ANKS1B: variants seen among roughly 807,000 people sequenced by gnomAD.
ANKS1B encodes ankyrin repeat and sterile alpha motif domain containing 1B.
In ANKS1B, 36 loss-of-function variants were observed where a neutral mutation model predicts 148.3. The observed-to-expected ratio is 0.24, with a 90% confidence interval of 0.19 to 0.32. The LOEUF (loss-of-function observed/expected upper bound fraction) is 0.32, where lower values mean the gene tolerates loss of function less well. Among genes scored for constraint, ANKS1B ranks in the 10% least tolerant of loss-of-function variants. The probability of loss-of-function intolerance (pLI) is 1.00; values close to 1 mark genes in which losing one functional copy is unlikely to be tolerated. For synonymous variants in ANKS1B, 542 were observed against 560.8 expected, an observed-to-expected ratio of 0.97 and a Z score of 0.47; for missense variants, 1,157 against 1,542.6, an observed-to-expected ratio of 0.75 and a Z score of 4.19.
At chr12:99,825,751 G>T (rs1310947145) in intron 1 of ANKS1B, among the ~76,000 whole-genome samples, 4 of 152,162 alleles carry the variant, frequency 2.6e-5, no homozygotes, top group Non-Finnish European at 5.9e-5. Flanking sequence ...AGATTTATGA[G>T]ACCTGCCTCA....
chr12:99,629,706 A>G (rs780520234), intron 9 of ANKS1B, among the ~76,000 whole-genome samples: 1 of 152,134 alleles, frequency 6.6e-6, no homozygotes, highest in Non-Finnish European at 1.5e-5. Context: ...AAGAGAGTGG[A>G]TAACTTATTA....
intron 9 of ANKS1B, among the ~76,000 whole-genome samples, chr12:99,581,909 A>AAG (rs973387527): frequency 6.6e-6 from 1 of 151,120 alleles, no homozygotes; most frequent in African/African-American, 2.4e-5. Context: ...AAAAAAAAAA[A>AAG]AAAAAAGAAA....
intron 1 of ANKS1B, among the ~76,000 whole-genome samples, chr12:99,938,020 AC>A (rs1161353908): frequency 6.6e-6 from 1 of 152,080 alleles, no homozygotes; most frequent in Non-Finnish European, 1.5e-5. Context: ...GTTTCCATGC[AC>A]CATTGTGATC....
At chr12:99,057,130 T>G (rs2040476898) in intron 16 of ANKS1B, among the ~76,000 whole-genome samples, 1 of 152,234 alleles carries the variant, frequency 6.6e-6, no homozygotes, top group South Asian at 2.1e-4. Flanking sequence ...CAAAATGGAC[T>G]TTGGAATATG....
intron 1 of ANKS1B, among the ~76,000 whole-genome samples, chr12:99,891,791 C>T (rs2093124744): frequency 6.6e-6 from 1 of 151,930 alleles, no homozygotes; most frequent in Non-Finnish European, 1.5e-5. Flanking sequence ...TGCAGTTATG[C>T]TTTTAGAAAA....
intron 4 of ANKS1B, among the ~76,000 whole-genome samples, chr12:99,798,527 T>A (rs1404250921): frequency 6.6e-6 from 1 of 151,960 alleles, no homozygotes; most frequent in Non-Finnish European, 1.5e-5. Flanking sequence ...TTTTGCATTA[T>A]CTAGACCATA....
At chr12:98,935,071 T>C (rs562890620) in intron 17 of ANKS1B, among the ~76,000 whole-genome samples, 18 of 152,252 alleles carry the variant, frequency 1.2e-4, no homozygotes, top group Middle Eastern at 6.8e-3. Flanking sequence ...GAGAAAAAGC[T>C]TTCAGTTTTT....
At chr12:99,104,909 G>A (rs1039006901) in intron 15 of ANKS1B, 1 of 152,180 alleles carries the variant, frequency 6.6e-6, no homozygotes, top group Admixed American at 6.5e-5. Context: ...GCTCTATAAA[G>A]ACAGACCAGA....
At position 98,829,456 on chromosome 12, in the gene ANKS1B, G is replaced by T. The variant is rs968385688; in HGVS notation, c.2887-103C>A. On this transcript the variant is annotated intron_variant, in intron 18 of 26. Transcript: ENST00000683438. The surrounding 1 kb of genome is among the most constrained non-coding windows in gnomAD (Gnocchi z 5.2). Reference sequence around the variant, plus strand: ...AGACAAACTGTGGGGGTGGGGAGTCGCTTTTGAAGCAACAGCCAAGGAATG... The same window carrying T: ...AGACAAACTGTGGGGGTGGGGAGTCTCTTTTGAAGCAACAGCCAAGGAATG... 11 of 1,097,956 alleles carry T rather than the reference G, an allele frequency of 1.0e-5. No homozygotes were observed. In the South Asian group the frequency reaches 1.7e-4, roughly 17 times the overall value. 68.0% of individuals were successfully genotyped at this position (1,097,956 alleles called of 1,614,324 possible).
chr12:99,543,412 C>G (rs1001480009), intron 9 of ANKS1B, among the ~76,000 whole-genome samples: 11 of 152,100 alleles, frequency 7.2e-5, no homozygotes, highest in Non-Finnish European at 1.3e-4. Context: ...AATAGTTCGG[C>G]AGTTCCTTAA....
At chr12:99,386,889 C>T (rs2093880818) in intron 12 of ANKS1B, among the ~76,000 whole-genome samples, 1 of 152,198 alleles carries the variant, frequency 6.6e-6, no homozygotes, top group South Asian at 2.1e-4. Flanking sequence ...ACAGAGCTCA[C>T]CTTACTATAT....
intron 6 of ANKS1B, among the ~76,000 whole-genome samples, chr12:99,778,191 C>T (rs1200526860): frequency 6.7e-6 from 1 of 149,044 alleles, no homozygotes; most frequent in Non-Finnish European, 1.5e-5. Context: ...CAGAGTGAGA[C>T]TCCCTCTCAA....
At position 99,116,841 on chromosome 12, in the gene ANKS1B, G is replaced by T. The variant is rs567431271; in HGVS notation, c.2527-31818C>A. Among the ~76,000 whole-genome samples, 172 of 152,252 alleles carry T rather than the reference G, an allele frequency of 1.1e-3. 1 individual carries two copies. In the Middle Eastern group the frequency reaches 0.017, roughly 15 times the overall value. On this transcript the variant is annotated intron_variant, in intron 15 of 26. Transcript: ENST00000683438. The stretch of plus-strand genomic sequence containing the variant: ...TTCTTCCTCTCCATGAACATGGAAT[G>T]CTTTTCCATTTGTTTGTGTCCTCTC...
rs764549996 is a variant in ANKS1B, at chr12:99,484,748, TTG to T, written c.1438+19726_1438+19727del. ...TTTTATCATTATATAGTGACCGTCT[TTG>T]TGTGTGTGTGTGTGTTTTTTTTTTT... On this transcript the variant is annotated intron_variant, in intron 10 of 26. Coordinates refer to ENST00000683438, the MANE Select transcript of ANKS1B (RefSeq NM_001352186.2). 5.2e-3 allele frequency among the ~76,000 whole-genome samples: 746 copies of T among 142,700 alleles called. 36 individuals carry two copies. Among genetic ancestry groups the T allele is most frequent in the Middle Eastern group, 0.021 (6 of 284 alleles). The allele number at this position is 142,700 out of a possible 152,430, so 93.6% of individuals were successfully genotyped here. A position where few individuals can be genotyped will look rare whatever the true frequency, so the allele number is the denominator to read the frequency against.
At chr12:99,419,337 GTTTGT>G (rs1265579125) in intron 11 of ANKS1B, among the ~76,000 whole-genome samples, 1 of 152,114 alleles carries the variant, frequency 6.6e-6, no homozygotes, top group East Asian at 1.9e-4. Flanking sequence ...AATTGTGGTA[GTTTGT>G]TTTAATAATT....
intron 17 of ANKS1B, among the ~76,000 whole-genome samples, chr12:98,867,443 A>G (rs1296468734): frequency 2.6e-5 from 4 of 152,270 alleles, no homozygotes; most frequent in African/African-American, 9.6e-5. Flanking sequence ...TATCCTACAG[A>G]GAGGAAAGAG....
At chr12:99,779,486 A>G (rs1172984229) in intron 6 of ANKS1B, among the ~76,000 whole-genome samples, 6 of 152,228 alleles carry the variant, frequency 3.9e-5, no homozygotes, top group Admixed American at 1.3e-4. Flanking sequence ...AGGGTCATAG[A>G]AACCAAAGTA....
chr12:99,811,354 T>G (rs2068342664), intron 3 of ANKS1B, among the ~76,000 whole-genome samples: 1 of 151,838 alleles, frequency 6.6e-6, no homozygotes, highest in Admixed American at 6.6e-5. Context: ...CTTAATGCCG[T>G]GATTGTAATT....
intron 1 of ANKS1B, among the ~76,000 whole-genome samples, chr12:99,873,235 T>G (rs1039007897): frequency 2.6e-5 from 4 of 152,178 alleles, no homozygotes; most frequent in African/African-American, 9.6e-5. Context: ...TACAAATTTG[T>G]GAGCATGAGG....
Sources: allele counts gnomAD v4.1 joint callset (sites outside exome capture counted in the v4.1 genomes callset), GRCh38; gene constraint gnomAD v4.1.1; non-coding constraint Gnocchi (gnomAD v3.1); transcripts MANE v1.5; gene names NCBI Gene and HGNC (gene_info 2026-07-23, HGNC 2026-07-21).